CSMD1: variants seen among roughly 807,000 people sequenced by gnomAD.
The protein encoded by CSMD1 is CUB and Sushi multiple domains 1.
Under a neutral mutation model 417.5 loss-of-function variants are expected in CSMD1, and 213 were observed. The observed-to-expected ratio is 0.51, with a 90% CI of 0.46 to 0.57. CSMD1 has a LOEUF of 0.57. CSMD1 is among the 20% of genes least tolerant of loss of function. The probability of loss-of-function intolerance (pLI) is 0.00; values close to 1 mark genes in which losing one functional copy is unlikely to be tolerated. For missense variants in CSMD1, 6,923 were observed against 4,529.7 expected (o/e 1.53, Z -15.17); for synonymous variants, 2,862 against 1,736.8 (o/e 1.65, Z -16.11).
At chr8:4,523,135 T>C (rs1321595543) in intron 2 of CSMD1, among the ~76,000 whole-genome samples, 1 of 152,192 alleles carries the variant, frequency 6.6e-6, no homozygotes, top group African/African-American at 2.4e-5. Flanking sequence ...ATACATCCTT[T>C]GGTGCTAATT....
chr8:3,666,269 A>G (rs74944151), intron 7 of CSMD1, among the ~76,000 whole-genome samples: 1 of 107,890 alleles, frequency 9.3e-6, no homozygotes, highest in East Asian at 2.4e-4. Flanking sequence ...CACAGGTCTT[A>G]TCTTTTCTTT....
chr8:3,953,661 G>A (rs147805810), intron 5 of CSMD1, among the ~76,000 whole-genome samples: 1 of 152,116 alleles, frequency 6.6e-6, no homozygotes, highest in African/African-American at 2.4e-5. Flanking sequence ...CGCTGGGACT[G>A]GGAGCCTGGG....
chr8:4,064,966 C>A (rs1322308073), intron 3 of CSMD1, among the ~76,000 whole-genome samples: 1 of 151,724 alleles, frequency 6.6e-6, no homozygotes, highest in East Asian at 1.9e-4. Flanking sequence ...TAACGCTGTG[C>A]ATTCACTAAC....
At chr8:4,068,424 G>C (rs539070941) in intron 3 of CSMD1, among the ~76,000 whole-genome samples, 5 of 152,108 alleles carry the variant, frequency 3.3e-5, no homozygotes, top group Non-Finnish European at 7.3e-5. Flanking sequence ...GAAAAGCACG[G>C]TTACAGAAAA....
At chr8:4,346,401 C>A (rs891474887) in intron 3 of CSMD1, among the ~76,000 whole-genome samples, 3 of 152,150 alleles carry the variant, frequency 2.0e-5, no homozygotes, top group African/African-American at 7.2e-5. Flanking sequence ...CCGAGTTGAA[C>A]AGTTACATCA....
At chr8:3,274,592 C>T (rs1802132038) in intron 26 of CSMD1, among the ~76,000 whole-genome samples, 1 of 152,032 alleles carries the variant, frequency 6.6e-6, no homozygotes, top group African/African-American at 2.4e-5. Context: ...TCAGGACTTG[C>T]TTTATGAATC....
intron 12 of CSMD1, among the ~76,000 whole-genome samples, chr8:3,437,368 T>A (rs1341234946): frequency 6.6e-6 from 1 of 152,180 alleles, no homozygotes; most frequent in African/African-American, 2.4e-5. Context: ...ATAGTTTGCA[T>A]TCATATAAAA....
At chr8:4,763,567 C>T (rs1812258753) in intron 1 of CSMD1, among the ~76,000 whole-genome samples, 1 of 152,136 alleles carries the variant, frequency 6.6e-6, no homozygotes, top group African/African-American at 2.4e-5. Context: ...GATCTATTGT[C>T]TTACTTGCTG....
chr8:4,264,895 A>T lies in CSMD1; in HGVS notation c.415+155058T>A, dbSNP rs114687349. Among the ~76,000 whole-genome samples, 1,274 of 152,346 alleles carry T rather than the reference A, an allele frequency of 8.4e-3. 16 individuals carry two copies. Among genetic ancestry groups the T allele is most frequent in the African/African-American group, 0.029 (1,195 of 41,578 alleles). The stretch of plus-strand genomic sequence containing the variant: ...AGGTAGGACGATGAACAGAGAAAAC[A>T]TGTAGGAATTGGGTTTAAGTCCCAT... On this transcript the variant is annotated intron_variant, in intron 3 of 69. Transcript: ENST00000635120.
At chr8:3,148,797 A>C (rs1372511750) in intron 40 of CSMD1, among the ~76,000 whole-genome samples, 1 of 152,198 alleles carries the variant, frequency 6.6e-6, no homozygotes, top group Non-Finnish European at 1.5e-5. Flanking sequence ...CGCCACTCAC[A>C]TGCCTCTCCT....
chr8:3,717,405 G>C (rs1801901394), intron 6 of CSMD1, among the ~76,000 whole-genome samples: 1 of 146,514 alleles, frequency 6.8e-6, no homozygotes, highest in African/African-American at 2.5e-5. Flanking sequence ...TATTAATTTT[G>C]TTTTTCTTTT....
intron 1 of CSMD1, among the ~76,000 whole-genome samples, chr8:4,840,616 T>A (rs1438780805): frequency 6.6e-6 from 1 of 152,174 alleles, no homozygotes; most frequent in Non-Finnish European, 1.5e-5. Context: ...CACAGCAGAA[T>A]TACATTACCG....
chr8:4,306,288 C>T (rs1406590765), intron 3 of CSMD1, among the ~76,000 whole-genome samples: 1 of 152,146 alleles, frequency 6.6e-6, no homozygotes, highest in Non-Finnish European at 1.5e-5. Flanking sequence ...CCTGAATAGA[C>T]ACTAAATAAT....
chr8:3,343,570 T>G (rs148907809), intron 22 of CSMD1, 120 bp from the exon 23 acceptor site: 2 of 819,030 alleles, frequency 2.4e-6, no homozygotes, highest in East Asian at 2.7e-5. Flanking sequence ...AAAAGGCATA[T>G]AGTTTACAGA....
chr8:3,466,733 T>A (rs1022898780), intron 12 of CSMD1, among the ~76,000 whole-genome samples: 3 of 152,032 alleles, frequency 2.0e-5, no homozygotes, highest in Non-Finnish European at 4.4e-5. Context: ...CCGGGCTGTT[T>A]TCTGATAATA....
chr8:3,326,172 A>G (rs1156382617), intron 23 of CSMD1, among the ~76,000 whole-genome samples: 1 of 152,224 alleles, frequency 6.6e-6, no homozygotes, highest in Admixed American at 6.5e-5. Flanking sequence ...ATACACTGAC[A>G]GTTCCGTCTT....
At chr8:4,866,613 G>A (rs963987179) in intron 1 of CSMD1, among the ~76,000 whole-genome samples, 2 of 151,822 alleles carry the variant, frequency 1.3e-5, no homozygotes, top group Non-Finnish European at 2.9e-5. Flanking sequence ...ATAAGTAGCT[G>A]AGTCATAACC....
At chr8:4,263,581 G>A (rs570307408) in intron 3 of CSMD1, among the ~76,000 whole-genome samples, 1 of 152,230 alleles carries the variant, frequency 6.6e-6, no homozygotes, top group South Asian at 2.1e-4. Context: ...ACAATCATGA[G>A]TCAATTTTCA....
chr8:3,544,428 C>G (rs573973076), intron 10 of CSMD1, among the ~76,000 whole-genome samples: 1 of 152,050 alleles, frequency 6.6e-6, no homozygotes, highest in Non-Finnish European at 1.5e-5. Flanking sequence ...GGGATGGAGG[C>G]GTTCTTTCTC....
Sources: allele counts gnomAD v4.1 joint callset (sites outside exome capture counted in the v4.1 genomes callset), GRCh38; gene constraint gnomAD v4.1.1; transcripts MANE v1.5; gene names NCBI Gene and HGNC (gene_info 2026-07-23, HGNC 2026-07-21).